The following TMC1 variants were observed in gnomAD, a reference collection of about 807,000 sequenced individuals.
TMC1 encodes transmembrane channel-like protein 1.
A neutral mutation model predicts 105.8 loss-of-function variants in TMC1; 84 were observed. That is an observed-to-expected ratio of 0.79 (90% CI 0.67 to 0.95). The LOEUF (loss-of-function observed/expected upper bound fraction) is 0.95. TMC1 is among the 40% of genes least tolerant of loss of function. The pLI is 0.00. For synonymous variants in TMC1, 315 were observed against 311.5 expected, an observed-to-expected ratio of 1.01 and a Z score of -0.12; for missense variants, 817 against 914.1, an observed-to-expected ratio of 0.89 and a Z score of 1.37.
Position 72,544,324 on chromosome 9 carries a change from G to C in TMC1, c.-428+22411G>C, listed in dbSNP as rs369442948. 4.2e-3 allele frequency among the ~76,000 whole-genome samples: 377 copies of C among 88,736 alleles called. 2 individuals are homozygous for C. The highest frequency in any genetic ancestry group is 0.022 in the African/African-American group (351 of 15,704). 58.2% of individuals were successfully genotyped at this position (88,736 alleles called of 152,430 possible). A position where few individuals can be genotyped will look rare whatever the true frequency, so the allele number is the denominator to read the frequency against. On this transcript the variant is annotated intron_variant, in intron 1 of 23. Coordinates refer to ENST00000297784, the MANE Select transcript of TMC1 (RefSeq NM_138691.3). ...GAGCCTATAAGGTGTCATATGACCA[G>C]GCCCCTCAAGGTATATCCACTTCAC...
chr9:72,742,452 A>G lies in TMC1; in HGVS notation c.462A>G (p.Ala154=), dbSNP rs539228804. The G allele has an allele frequency of 3.9e-5, 63 of 1,614,096 alleles. 1 individual carries two copies. In the South Asian group the frequency reaches 6.6e-4, roughly 17 times the overall value. Residue 154 remains alanine, a synonymous_variant, in exon 10 of 24, where the codon GCA becomes GCG. Transcript: ENST00000297784. ...AFKMMMAKKW[A]KFLRDFENFK... ...TTTGACTTTCTTTTCAGAAATGGGC[A>G]AAATTCCTCCGTGATTTTGAGAACT...
chr9:72,790,608 G>A (rs1478283867), intron 15 of TMC1, among the ~76,000 whole-genome samples: 2 of 152,062 alleles, frequency 1.3e-5, no homozygotes, highest in Admixed American at 1.3e-4. Flanking sequence ...AGGATGGGTA[G>A]TTGATTATCA....
At chr9:72,532,289 C>G (rs528669962) in intron 1 of TMC1, among the ~76,000 whole-genome samples, 1 of 152,104 alleles carries the variant, frequency 6.6e-6, no homozygotes, top group South Asian at 2.1e-4. Context: ...GCCTGTAATC[C>G]CAGCACTTTG....
intron 12 of TMC1, among the ~76,000 whole-genome samples, chr9:72,771,400 T>C (rs1827922975): frequency 6.6e-6 from 1 of 152,210 alleles, no homozygotes. Flanking sequence ...ACGACATTTC[T>C]ACTTTCTTTT....
intron 5 of TMC1, among the ~76,000 whole-genome samples, chr9:72,684,592 A>C (rs1826346183): frequency 6.6e-6 from 1 of 152,060 alleles, no homozygotes; most frequent in Admixed American, 6.6e-5. Flanking sequence ...GTTTTTGCTG[A>C]TAATTCCCTA....
chr9:72,760,839 A>G (rs1245081920), intron 12 of TMC1, among the ~76,000 whole-genome samples: 1 of 152,094 alleles, frequency 6.6e-6, no homozygotes, highest in Admixed American at 6.6e-5. Flanking sequence ...GGAACTACCA[A>G]TCTGTAGAGC....
At chr9:72,781,425 A>C (rs117604213) in intron 13 of TMC1, among the ~76,000 whole-genome samples, 16 of 152,286 alleles carry the variant, frequency 1.1e-4, no homozygotes, top group Admixed American at 9.2e-4. Context: ...ACAAGAGCAC[A>C]CCAACCCCAA....
At chr9:72,727,556 C>A (rs191411233) in intron 8 of TMC1, among the ~76,000 whole-genome samples, 1 of 152,252 alleles carries the variant, frequency 6.6e-6, no homozygotes, top group African/African-American at 2.4e-5. Context: ...CTACCTACTT[C>A]TAATAAAAAT....
chr9:72,756,807 G>A (rs886910623), intron 12 of TMC1, among the ~76,000 whole-genome samples: 4 of 152,142 alleles, frequency 2.6e-5, no homozygotes, highest in African/African-American at 9.7e-5. Flanking sequence ...GGGCAAAAAT[G>A]TCCATTTGAG....
chr9:72,835,218 C>A (rs932626300), intron 23 of TMC1, among the ~76,000 whole-genome samples: 1 of 152,170 alleles, frequency 6.6e-6, no homozygotes, highest in East Asian at 1.9e-4. Context: ...GTATTTACCT[C>A]CGCAGTTTAG....
At chr9:72,765,461 G>A (rs1412236556) in intron 12 of TMC1, among the ~76,000 whole-genome samples, 1 of 151,758 alleles carries the variant, frequency 6.6e-6, no homozygotes, top group South Asian at 2.1e-4. Flanking sequence ...GAAAGAGTAG[G>A]AATAGAGCAG....
chr9:72,527,176 C>T (rs938671810), intron 1 of TMC1, among the ~76,000 whole-genome samples: 1 of 152,114 alleles, frequency 6.6e-6, no homozygotes, highest in Non-Finnish European at 1.5e-5. Flanking sequence ...GTTGCTCAGG[C>T]CTGTGGGTAA....
intron 18 of TMC1, among the ~76,000 whole-genome samples, chr9:72,809,229 T>A (rs1828651297): frequency 1.3e-5 from 2 of 152,194 alleles, no homozygotes; most frequent in Non-Finnish European, 2.9e-5. Flanking sequence ...AAATATGAAG[T>A]CAATATTACA....
In TMC1 at chr9:72,789,206, C is replaced by T. The variant is rs762332645; in HGVS notation, c.1113C>T (p.Phe371=). 41 of 1,613,830 alleles carry T rather than the reference C, an allele frequency of 2.5e-5. No homozygotes were observed. The highest frequency in any genetic ancestry group is 6.6e-5 in the South Asian group (6 of 91,080). The change falls in exon 15 of 24, where the codon TTC becomes TTT. Residue 371 remains phenylalanine (F), a synonymous_variant. Coordinates refer to ENST00000297784, the MANE Select transcript of TMC1 (RefSeq NM_138691.3). The part of the protein sequence containing the change: ...IRFLRFLANF[F]VFLTLGGSGY... ...TCCTGAGGTTTCTGGCTAACTTCTTCGTGTTTCTAACACTTGGAGGGAGTG... is the reference window on the plus strand; with the variant it reads ...TCCTGAGGTTTCTGGCTAACTTCTTTGTGTTTCTAACACTTGGAGGGAGTG...
At chr9:72,536,042 C>T (rs1823578540) in intron 1 of TMC1, among the ~76,000 whole-genome samples, 1 of 152,186 alleles carries the variant, frequency 6.6e-6, no homozygotes, top group Non-Finnish European at 1.5e-5. Context: ...TCTGCTTTGG[C>T]CCCCTAAAAC....
At chr9:72,554,874 AATT>A (rs142780589) in intron 1 of TMC1, among the ~76,000 whole-genome samples, 24 of 151,930 alleles carry the variant, frequency 1.6e-4, no homozygotes, top group African/African-American at 5.8e-4. Context: ...TGAATTCTGA[AATT>A]ATTATTATTA....
intron 8 of TMC1, among the ~76,000 whole-genome samples, chr9:72,727,873 CA>C (rs1175276698): frequency 2.0e-5 from 3 of 151,620 alleles, no homozygotes; most frequent in East Asian, 3.9e-4. Context: ...AAACAAAGGA[CA>C]AAAAAATAAA....
intron 10 of TMC1, among the ~76,000 whole-genome samples, chr9:72,750,354 A>T (rs556044690): frequency 6.6e-6 from 1 of 152,340 alleles, no homozygotes; most frequent in East Asian, 1.9e-4. Context: ...GCAGCCAGGG[A>T]CTGAAGGTGT....
At chr9:72,782,187 A>G (rs1477874493) in intron 13 of TMC1, among the ~76,000 whole-genome samples, 1 of 152,240 alleles carries the variant, frequency 6.6e-6, no homozygotes, top group Non-Finnish European at 1.5e-5. Context: ...GATTTATCAC[A>G]TAAACAGAAT....
Sources: allele counts gnomAD v4.1 joint callset (sites outside exome capture counted in the v4.1 genomes callset), GRCh38; gene constraint gnomAD v4.1.1; transcripts MANE v1.5; gene names NCBI Gene and HGNC (gene_info 2026-07-23, HGNC 2026-07-21).